The following PAH variants were observed in gnomAD, a reference collection of about 807,000 sequenced individuals.
The protein encoded by PAH is phenylalanine-4-hydroxylase.
Under a neutral mutation model 62.0 loss-of-function variants are expected in PAH, and 64 were observed. The ratio of observed to expected loss-of-function variants is 1.03; its 90% CI spans 0.84 to 1.27. The LOEUF (loss-of-function observed/expected upper bound fraction) is 1.27. Ranked by LOEUF, PAH falls within the 50% of genes most tolerant of loss-of-function variation. The probability of loss-of-function intolerance (pLI) is 0.00; values close to 1 mark genes in which losing one functional copy is unlikely to be tolerated. For synonymous variants in PAH, 195 were observed against 196.2 expected (o/e 0.99, Z 0.05); for missense variants, 579 against 542.8 (o/e 1.07, Z -0.66).
chr12:102,939,981 A>G (rs1026283098), intron 1 of PAH, among the ~76,000 whole-genome samples: 5 of 152,226 alleles, frequency 3.3e-5, no homozygotes, highest in Non-Finnish European at 7.3e-5. Context: ...GGAAATACAG[A>G]GGAGCCATGC....
intron 5 of PAH, among the ~76,000 whole-genome samples, chr12:102,855,909 G>C (rs1386439633): frequency 1.3e-5 from 2 of 151,916 alleles, no homozygotes; most frequent in Non-Finnish European, 2.9e-5. Flanking sequence ...CTGCTCCTGG[G>C]AAGTTATAAA....
rs118067878 is a variant in PAH at position 102,909,396 on chromosome 12, A to T, written c.168+3395T>A. Among the ~76,000 whole-genome samples, 1,107 of 151,424 alleles carry T rather than the reference A, an allele frequency of 7.3e-3. 6 individuals carry two copies. The highest frequency in any genetic ancestry group is 0.014 in the Middle Eastern group (4 of 292). ...ACTGATGATGTTAATTTTAATTTTAATTTTTTTTTACTATTAAGGAAAGGT... is the reference window on the plus strand; with the variant it reads ...ACTGATGATGTTAATTTTAATTTTATTTTTTTTTTACTATTAAGGAAAGGT... On this transcript the variant is annotated intron_variant, in intron 2 of 12. Transcript: ENST00000553106.
intron 4 of PAH, 72 bp downstream of exon 4, chr12:102,877,390 G>T: frequency 1.9e-6 from 2 of 1,028,660 alleles, no homozygotes; most frequent in East Asian, 2.4e-5. Context: ...TCCAAGTAGA[G>T]AAGGTAAGAG....
intron 3 of PAH, among the ~76,000 whole-genome samples, chr12:102,881,993 GA>G (rs1390482436): frequency 1.3e-5 from 2 of 152,134 alleles, no homozygotes; most frequent in African/African-American, 2.4e-5. Flanking sequence ...GAGATTTCTG[GA>G]AAGTATGGTA....
At chr12:102,958,361 G>GGCCGCAGCC in exon 1 of PAH, 3 of 1,439,004 alleles carry the variant, frequency 2.1e-6, no homozygotes, top group Non-Finnish European at 2.7e-6. Context: ...CAGCCGCGGC[G>GGCCGCAGCC]GCCGCAGCCG....
chr12:102,918,216 A>G (rs550831709), upstream of PAH, among the ~76,000 whole-genome samples: 1 of 152,310 alleles, frequency 6.6e-6, no homozygotes, highest in African/African-American at 2.4e-5. Flanking sequence ...ACTTTTAGAG[A>G]AGACTGAGGG....
At chr12:102,876,332 C>T (rs919533785) in intron 4 of PAH, among the ~76,000 whole-genome samples, 2 of 152,178 alleles carry the variant, frequency 1.3e-5, no homozygotes, top group African/African-American at 4.8e-5. Context: ...GCCTGGATTT[C>T]TGCCACTAGC....
intron 1 of PAH, among the ~76,000 whole-genome samples, chr12:102,937,493 T>C (rs1004028094): frequency 6.6e-6 from 1 of 152,190 alleles, no homozygotes; most frequent in South Asian, 2.1e-4. Flanking sequence ...TTTAATCCGA[T>C]GACAACTTAA....
chr12:102,957,361 C>G lies in PAH; in HGVS notation c.-96+834G>C, dbSNP rs945102269. On this transcript the variant is annotated intron_variant, in intron 1 of 4. Transcript: ENST00000551337. This position sits in a 1 kb window ranked among gnomAD's most constrained non-coding sequence, Gnocchi z 4.1. Reference sequence around the variant, plus strand: ...CCCACCCCCTTCCTAAAGCCACCCCCGGCAGCAGCCCGCCCCGAGCGCGCC... The same window carrying G: ...CCCACCCCCTTCCTAAAGCCACCCCGGGCAGCAGCCCGCCCCGAGCGCGCC... 6.6e-6 allele frequency among the ~76,000 whole-genome samples: 1 copy of G among 152,174 alleles called. No individual in the cohort carries two copies. The highest frequency in any genetic ancestry group is 2.4e-5 in the African/African-American group (1 of 41,442).
chr12:102,905,762 C>T (rs972583686), intron 2 of PAH, among the ~76,000 whole-genome samples: 5 of 151,586 alleles, frequency 3.3e-5, no homozygotes, highest in Admixed American at 6.6e-5. Context: ...AACCCCTTCC[C>T]GGGCAATAGC....
intron 1 of PAH, among the ~76,000 whole-genome samples, chr12:102,956,152 A>C (rs559177489): frequency 1.3e-5 from 2 of 152,294 alleles, no homozygotes; most frequent in African/African-American, 4.8e-5. Context: ...CACCACAATC[A>C]TTCCTGCACC....
chr12:102,838,476 G>A lies in PAH; in HGVS notation c.*699C>T, dbSNP rs189466448. Reference sequence around the variant, plus strand: ...AGTCAACATCTGCTGCATCATAAATGTCCTCAAAGTGTTTCCCAAAACAGA... The same window carrying A: ...AGTCAACATCTGCTGCATCATAAATATCCTCAAAGTGTTTCCCAAAACAGA... On this transcript the variant is annotated 3_prime_UTR_variant, in exon 13 of 13. Coordinates refer to ENST00000553106, the MANE Select transcript of PAH (RefSeq NM_000277.3). 107 of 152,238 alleles carry A rather than the reference G, an allele frequency of 7.0e-4. No homozygotes were observed. Among genetic ancestry groups the A allele is most frequent in the African/African-American group, 2.5e-3 (105 of 41,562 alleles). 9.4% of individuals were successfully genotyped at this position (152,238 alleles called of 1,614,324 possible).
chr12:102,913,996 A>G, intron 1 of PAH: 1 of 613,868 alleles, frequency 1.6e-6, no homozygotes, highest in Non-Finnish European at 2.9e-6. Context: ...AAATTAATGG[A>G]ATAGATGTTA....
At chr12:102,926,789 T>C (rs1186149933) in intron 1 of PAH, among the ~76,000 whole-genome samples, 1 of 152,158 alleles carries the variant, frequency 6.6e-6, no homozygotes, top group African/African-American at 2.4e-5. Context: ...ATTTTATTAC[T>C]ACCTATGCTT....
chr12:102,890,040 T>A (rs919139410), intron 3 of PAH, among the ~76,000 whole-genome samples: 1 of 152,240 alleles, frequency 6.6e-6, no homozygotes, highest in African/African-American at 2.4e-5. Flanking sequence ...CAGGAGGCAT[T>A]TGAGAAGGTT....
chr12:102,937,427 G>GT (rs1433251546), intron 1 of PAH, among the ~76,000 whole-genome samples: 1 of 151,806 alleles, frequency 6.6e-6, no homozygotes, highest in Non-Finnish European at 1.5e-5. Flanking sequence ...CTGTTATATG[G>GT]TTTTTTATTT....
intron 1 of PAH, among the ~76,000 whole-genome samples, chr12:102,916,072 C>T (rs1878367338): frequency 6.6e-6 from 1 of 152,114 alleles, no homozygotes. Context: ...TCTGGGATCA[C>T]TCTGACTCTC....
rs142522265 is a variant in PAH, at chr12:102,840,236, TG to T, written c.1315+163del. Among the ~76,000 whole-genome samples, 7,185 of 152,288 alleles carry T rather than the reference TG, an allele frequency of 0.047. 193 individuals carry two copies. The highest frequency in any genetic ancestry group is 0.049 in the Non-Finnish European group (3,303 of 68,024). ...GACACAAGGGTAATTCTGACCTTTT[TG>T]TCAAGTTCTTCTCCATCAATGAACC... On this transcript the variant is annotated intron_variant, in intron 12 of 12. Coordinates refer to ENST00000553106, the MANE Select transcript of PAH (RefSeq NM_000277.3).
intron 10 of PAH, 114 bp downstream of exon 10, chr12:102,844,222 C>T (rs1225960942): frequency 9.0e-5 from 68 of 759,278 alleles, no homozygotes; most frequent in Non-Finnish European, 7.0e-6. Context: ...AATGAGTTCC[C>T]AGGTTGCATA....
Sources: gnomAD v4.1 joint callset for allele counts (sites outside exome capture counted in the v4.1 genomes callset) on GRCh38, gnomAD v4.1.1 for gene constraint, Gnocchi (gnomAD v3.1) non-coding constraint, MANE v1.5 for transcripts, NCBI Gene and HGNC (gene_info 2026-07-23, HGNC 2026-07-21) for gene names.